Variants in RGPD4 observed in about 807,000 individuals in gnomAD.
RGPD4 encodes ranBP2-like and GRIP domain-containing protein 4.
In RGPD4, 84 loss-of-function variants were observed where a neutral mutation model predicts 141.1. The ratio of observed to expected loss-of-function variants is 0.60; its 90% CI spans 0.50 to 0.71. RGPD4 has a LOEUF of 0.71. Ranked by LOEUF, RGPD4 falls within the 30% of genes least tolerant of loss-of-function variation. The pLI, the probability that RGPD4 is intolerant of heterozygous loss-of-function variation, is 0.00. For synonymous variants in RGPD4, 298 were observed against 566.8 expected (o/e 0.53, Z 6.74); for missense variants, 918 against 1,622.4 (o/e 0.57, Z 7.46).
At chr2:107,829,861 G>C (rs997162638) in intron 1 of RGPD4, among the ~76,000 whole-genome samples, 1 of 151,954 alleles carries the variant, frequency 6.6e-6, no homozygotes, top group South Asian at 2.1e-4. Context: ...GTGCTGTATC[G>C]GCGGGTTTCT....
At chr2:107,828,501 C>T (rs1446475491) in intron 1 of RGPD4, among the ~76,000 whole-genome samples, 1 of 97,532 alleles carries the variant, frequency 1.0e-5, no homozygotes, top group African/African-American at 4.0e-5. Context: ...GCGGCGGCCT[C>T]GACCCGGCCC....
At chr2:107,883,249 A>T (rs528470073) in intron 22 of RGPD4, 1 of 435,046 alleles carries the variant, frequency 2.3e-6, no homozygotes, top group Admixed American at 2.5e-5. Context: ...CCTTCCTCCA[A>T]CCCCAAATAG....
At chr2:107,865,769 C>T (rs933823295) in intron 17 of RGPD4, among the ~76,000 whole-genome samples, 12 of 147,848 alleles carry the variant, frequency 8.1e-5, no homozygotes, top group Non-Finnish European at 1.5e-4. Context: ...CAAATAGAAA[C>T]TTTCAAAAGA....
rs774811864 is a variant in RGPD4, at chr2:107,871,674, T to A, written c.3670T>A (p.Ser1224Thr). ...AGTCACTGAGGAAGAAAATAAGGGT[T>A]CAGGTACAGGTGCGGCCGGTGCCTC... is the stretch of plus-strand genomic sequence containing the variant. ...TKVTEEENKG[S>T]GTGAAGASDT... The change falls in exon 20 of 23, where the codon TCA (serine) becomes ACA (threonine). Residue 1224 changes from serine to threonine, a missense_variant. Coordinates refer to ENST00000408999, the MANE Select transcript of RGPD4 (RefSeq NM_182588.3). The A allele has an allele frequency of 1.9e-6, 3 of 1,608,690 alleles. No individual in the cohort carries two copies. Among genetic ancestry groups the A allele is most frequent in the African/African-American group, 2.7e-5 (2 of 72,962 alleles).
intron 20 of RGPD4, among the ~76,000 whole-genome samples, chr2:107,874,621 G>A (rs186063263): frequency 1.2e-4 from 18 of 151,084 alleles, no homozygotes; most frequent in South Asian, 8.4e-4. Flanking sequence ...GTATACTTGC[G>A]TACAGTTTCT....
intron 21 of RGPD4, among the ~76,000 whole-genome samples, chr2:107,880,880 G>A (rs1675342774): frequency 1.3e-5 from 2 of 150,874 alleles, no homozygotes; most frequent in South Asian, 2.1e-4. Flanking sequence ...ACTCAAATGA[G>A]GTATTTCCAC....
At chr2:107,863,782 C>T (rs201914484) in intron 17 of RGPD4, among the ~76,000 whole-genome samples, 41,640 of 151,410 alleles carry the variant, frequency 0.28, 5,207 homozygotes, top group Middle Eastern at 0.33. Flanking sequence ...TGTAAACCAC[C>T]GCACCCAGCC....
chr2:107,836,494 G>A (rs1186204373), intron 1 of RGPD4, 108 bp from the exon 2 acceptor site: 2 of 1,035,586 alleles, frequency 1.9e-6, no homozygotes, highest in South Asian at 3.2e-5. Context: ...TTAAGTGAAT[G>A]AAAATGGCAT....
chr2:107,884,104 TTTG>T (rs1378679526), intron 22 of RGPD4, among the ~76,000 whole-genome samples: 6 of 151,530 alleles, frequency 4.0e-5, no homozygotes, highest in Non-Finnish European at 4.4e-5. Context: ...TAAGCTTTAT[TTTG>T]TTGTTGTGTT....
chr2:107,833,567 T>C (rs1681569699), intron 1 of RGPD4, among the ~76,000 whole-genome samples: 1 of 150,568 alleles, frequency 6.6e-6, no homozygotes, highest in Non-Finnish European at 1.5e-5. Flanking sequence ...TGAGCTTCAG[T>C]TCCCTTGTAA....
Position 107,871,097 on chromosome 2 carries a change from G to C in RGPD4, c.3093G>C (p.Glu1031Asp). 1.2e-6 allele frequency: 2 copies of C among 1,610,990 alleles called. No individual in the cohort carries two copies. Among genetic ancestry groups the C allele is most frequent in the Non-Finnish European group, 1.7e-6 (2 of 1,179,794 alleles). ...AAGATGATGATGCCTATAAGACTGA[G>C]GACAGCGATGACATCCATTTTGAAC... ...FEKDDDAYKTEDSDDIHFEPV... is the reference protein window; with the variant it reads ...FEKDDDAYKTDDSDDIHFEPV... Residue 1031 changes from glutamate to aspartate, a missense_variant, in exon 20 of 23, where the codon GAG becomes GAC. Coordinates refer to ENST00000408999, the MANE Select transcript of RGPD4 (RefSeq NM_182588.3).
chr2:107,886,873 T>C (rs375551384), intron 22 of RGPD4, among the ~76,000 whole-genome samples: 2 of 151,822 alleles, frequency 1.3e-5, no homozygotes, highest in East Asian at 1.9e-4. Flanking sequence ...TAATAGTATT[T>C]TTCATTCAGG....
At chr2:107,884,478 G>A (rs930727408) in intron 22 of RGPD4, among the ~76,000 whole-genome samples, 30 of 148,654 alleles carry the variant, frequency 2.0e-4, no homozygotes, top group Non-Finnish European at 3.9e-4. Flanking sequence ...GAAGAAAGTG[G>A]TCATTTATGC....
At chr2:107,866,518 C>T (rs1222106755) in intron 18 of RGPD4, among the ~76,000 whole-genome samples, 193 bp downstream of exon 18, 3 of 125,870 alleles carry the variant, frequency 2.4e-5, no homozygotes, top group South Asian at 3.1e-4. Context: ...AAAAACGAGC[C>T]GTATGTGATC....
chr2:107,872,684 T>A lies in RGPD4; in HGVS notation c.4680T>A (p.Phe1560Leu). The A allele has an allele frequency of 1.2e-6, 2 of 1,611,360 alleles. No homozygotes were observed. The highest frequency in any genetic ancestry group is 1.7e-6 in the Non-Finnish European group (2 of 1,179,836). Residue 1560 changes from phenylalanine (F) to leucine (L), a missense_variant, in exon 20 of 23, where the codon TTT becomes TTA. Coordinates refer to ENST00000408999, the MANE Select transcript of RGPD4 (RefSeq NM_182588.3). ...GTGAAAAATCAAAACCATTTGCATT[T>A]GGCAACAGTTCTGCCACTGGGTCTT... ...FSSEKSKPFA[F>L]GNSSATGSLF...
intron 1 of RGPD4, among the ~76,000 whole-genome samples, chr2:107,827,871 T>C (rs1681282033): frequency 4.1e-5 from 1 of 24,114 alleles, no homozygotes; most frequent in Non-Finnish European, 7.7e-5. Flanking sequence ...GCGCGCTCTG[T>C]TGAGGCAGCG....
At chr2:107,861,494 C>G in intron 14 of RGPD4, 100 bp from the exon 15 acceptor site, 1 of 611,802 alleles carries the variant, frequency 1.6e-6, no homozygotes, top group Non-Finnish European at 2.9e-6. Flanking sequence ...CCTCAGCTCC[C>G]GAGTAGCTGG....
intron 1 of RGPD4, among the ~76,000 whole-genome samples, chr2:107,830,357 AAAG>A (rs1681438232): frequency 1.3e-5 from 2 of 151,482 alleles, no homozygotes; most frequent in African/African-American, 4.9e-5. Context: ...AAAAAAAAAA[AAAG>A]CATGTTTAGA....
rs1270426025 is a variant in RGPD4 at position 107,855,600 on chromosome 2, C to T, written c.1066+957C>T. Among the ~76,000 whole-genome samples the T allele has an allele frequency of 6.1e-5, 9 of 147,540 alleles. 1 individual carries two copies. Among genetic ancestry groups the T allele is most frequent in the Non-Finnish European group, 9.0e-5 (6 of 66,570 alleles). ...TGTAGTGGTAACCAAACCTAATTGC[C>T]CAGCAGAATTAACTCGAAGGAGGGT... On this transcript the variant is annotated intron_variant, in intron 8 of 22. Transcript: ENST00000408999.
Sources: allele counts gnomAD v4.1 joint callset (sites outside exome capture counted in the v4.1 genomes callset), GRCh38; gene constraint gnomAD v4.1.1; transcripts MANE v1.5; gene names NCBI Gene and HGNC (gene_info 2026-07-23, HGNC 2026-07-21).